Variants in FOCAD observed in about 807,000 individuals in gnomAD.
The protein encoded by FOCAD is KIAA1797.
A neutral mutation model predicts 225.6 loss-of-function variants in FOCAD; 198 were observed. The observed-to-expected ratio is 0.88, with a 90% confidence interval of 0.78 to 0.99. FOCAD has a LOEUF of 0.99. Among genes scored for constraint, FOCAD ranks in the 50% least tolerant of loss-of-function variants. The probability of loss-of-function intolerance (pLI) is 0.00; values close to 1 mark genes in which losing one functional copy is unlikely to be tolerated. For synonymous variants in FOCAD, 897 were observed against 755.0 expected, an observed-to-expected ratio of 1.19 and a Z score of -3.08; for missense variants, 2,713 against 2,123.6, an observed-to-expected ratio of 1.28 and a Z score of -5.46.
chr9:20,961,335 A>C (rs1055795530), intron 35 of FOCAD, among the ~76,000 whole-genome samples: 13 of 151,930 alleles, frequency 8.6e-5, no homozygotes, highest in African/African-American at 2.4e-5. Flanking sequence ...ACCAATAAGA[A>C]CCTCTACAAG....
intron 21 of FOCAD, among the ~76,000 whole-genome samples, chr9:20,895,384 G>T (rs950740020): frequency 3.3e-5 from 5 of 151,860 alleles, no homozygotes; most frequent in African/African-American, 1.2e-4. Context: ...TGATTGCATT[G>T]AATGTATAGA....
chr9:20,817,333 C>T (rs982972822), intron 11 of FOCAD, among the ~76,000 whole-genome samples: 8 of 151,990 alleles, frequency 5.3e-5, no homozygotes, highest in South Asian at 2.1e-4. Flanking sequence ...CCGAAGGAAA[C>T]CCCATGCCCA....
chr9:20,756,976 C>T (rs1481160139), intron 5 of FOCAD, among the ~76,000 whole-genome samples: 1 of 152,122 alleles, frequency 6.6e-6, no homozygotes, highest in African/African-American at 2.4e-5. Flanking sequence ...GTTGCCCAGG[C>T]TGGAGTGCAA....
chr9:20,891,010 G>A (rs888093056), intron 21 of FOCAD, among the ~76,000 whole-genome samples: 1 of 151,958 alleles, frequency 6.6e-6, no homozygotes, highest in East Asian at 1.9e-4. Flanking sequence ...AATACCATAT[G>A]CTTACTTCAT....
intron 26 of FOCAD, among the ~76,000 whole-genome samples, chr9:20,927,564 C>T (rs1238139134): frequency 6.6e-6 from 1 of 151,050 alleles, no homozygotes; most frequent in African/African-American, 2.4e-5. Flanking sequence ...CATCCTCTGT[C>T]TTCATGCTTG....
rs1005964171 is a variant in FOCAD at position 20,976,307 on chromosome 9, A to T, written c.4133-113A>T. ...AGAATTGAAGCGTTGATCGCAATTG[A>T]ATATGTGATATCAGATCCTTTGATG... On this transcript the variant is annotated intron_variant, in intron 35 of 43. Transcript: ENST00000338382. The T allele has an allele frequency of 4.1e-6, 4 of 980,132 alleles. No homozygotes were observed. The African/African-American group carries it at 6.5e-5, about 16-fold the overall frequency. 60.7% of individuals were successfully genotyped at this position (980,132 alleles called of 1,614,324 possible).
intron 11 of FOCAD, among the ~76,000 whole-genome samples, chr9:20,819,085 T>G (rs955232555): frequency 1.3e-5 from 2 of 152,214 alleles, no homozygotes; most frequent in African/African-American, 4.8e-5. Flanking sequence ...GGCTCCTTTA[T>G]AGTACACTGA....
upstream of FOCAD, among the ~76,000 whole-genome samples, chr9:20,656,791 G>T (rs1047782060): frequency 3.0e-4 from 46 of 152,098 alleles, no homozygotes; most frequent in Middle Eastern, 3.2e-3. Flanking sequence ...AAAGTTAATA[G>T]CGTTATGTGT....
intron 19 of FOCAD, chr9:20,875,393 CTT>C (rs1213002267): frequency 6.6e-6 from 1 of 152,318 alleles, no homozygotes; most frequent in African/African-American, 2.4e-5. Flanking sequence ...AATCCCAACA[CTT>C]TGGGAGGCTG....
At chr9:20,921,066 TAAAAA>T (rs1834379213) in intron 24 of FOCAD, among the ~76,000 whole-genome samples, 4 of 151,226 alleles carry the variant, frequency 2.6e-5, no homozygotes, top group African/African-American at 4.8e-5. Context: ...TCCAAAAAAA[TAAAAA>T]AGAACATTTA....
intron 35 of FOCAD, among the ~76,000 whole-genome samples, chr9:20,961,222 T>A (rs1298574379): frequency 6.6e-6 from 1 of 151,766 alleles, no homozygotes. Flanking sequence ...TCTCTCTCTC[T>A]GTGTTAGTGT....
intron 11 of FOCAD, among the ~76,000 whole-genome samples, chr9:20,794,968 A>G (rs745838487): frequency 2.2e-4 from 33 of 151,684 alleles, no homozygotes; most frequent in Non-Finnish European, 1.5e-4. Context: ...GAATCTAAGC[A>G]AACAGAGAAG....
chr9:20,795,745 C>G (rs900756321), intron 11 of FOCAD, among the ~76,000 whole-genome samples: 2 of 122,632 alleles, frequency 1.6e-5, no homozygotes, highest in Admixed American at 2.0e-4. Flanking sequence ...GATCGCACCA[C>G]TGCACTCCAG....
intron 3 of FOCAD, among the ~76,000 whole-genome samples, chr9:20,719,206 C>T (rs971375150): frequency 5.9e-5 from 9 of 152,018 alleles, no homozygotes; most frequent in Admixed American, 3.3e-4. Context: ...CTCAGCCTCC[C>T]GAGTAGCTGG....
upstream of FOCAD, among the ~76,000 whole-genome samples, chr9:20,681,985 C>T (rs1473359016): frequency 2.0e-5 from 3 of 152,162 alleles, no homozygotes; most frequent in Non-Finnish European, 4.4e-5. Context: ...GAAGCCTAAA[C>T]TCCAATGCAA....
chr9:20,919,889 G>A (rs966540736), intron 24 of FOCAD, among the ~76,000 whole-genome samples: 6 of 151,742 alleles, frequency 4.0e-5, no homozygotes, highest in African/African-American at 1.5e-4. Flanking sequence ...TACCATTCAG[G>A]ACATAGGCAT....
At position 20,843,559 on chromosome 9, in the gene FOCAD, G is replaced by T. The variant is rs767430457; in HGVS notation, c.1921-19019G>T. Among the ~76,000 whole-genome samples, 8 of 151,976 alleles carry T rather than the reference G, an allele frequency of 5.3e-5. No individual in the cohort carries two copies. In the South Asian group the frequency reaches 1.7e-3, roughly 32 times the overall value. On this transcript the variant is annotated intron_variant, in intron 15 of 43. Coordinates refer to ENST00000338382, the MANE Select transcript of FOCAD (RefSeq NM_001375567.1). ...AAAAATCCTTAACCTTTAGGAGTTTGATTCTTAAATGTCTTGAGGTAGTCT... is the reference window on the plus strand; with the variant it reads ...AAAAATCCTTAACCTTTAGGAGTTTTATTCTTAAATGTCTTGAGGTAGTCT...
At chr9:20,959,573 A>G (rs969007905) in intron 35 of FOCAD, among the ~76,000 whole-genome samples, 4 of 151,946 alleles carry the variant, frequency 2.6e-5, no homozygotes, top group East Asian at 1.9e-4. Flanking sequence ...TTTATTTTCT[A>G]TGCTTTTGAG....
At chr9:20,672,726 C>T (rs913010079) in intron 2 of FOCAD, among the ~76,000 whole-genome samples, 2 of 152,210 alleles carry the variant, frequency 1.3e-5, no homozygotes. Flanking sequence ...GTTAGGATTA[C>T]AGGCGTGAGC....
Sources: gnomAD v4.1 joint callset for allele counts (sites outside exome capture counted in the v4.1 genomes callset) on GRCh38, gnomAD v4.1.1 for gene constraint, MANE v1.5 for transcripts, NCBI Gene and HGNC (gene_info 2026-07-23, HGNC 2026-07-21) for gene names.